ZC3H13: variants seen among roughly 807,000 people sequenced by gnomAD.
The protein encoded by ZC3H13 is zinc finger CCCH domain-containing protein 13.
ZC3H13 carries 64 observed loss-of-function variants against 204.1 expected under a neutral mutation model. The ratio of observed to expected loss-of-function variants is 0.31; its 90% confidence interval spans 0.26 to 0.39. The LOEUF is 0.39. Ranked by LOEUF, ZC3H13 falls within the 10% of genes least tolerant of loss-of-function variation. The pLI is 1.00. For synonymous variants in ZC3H13, 667 were observed against 693.7 expected (o/e 0.96, Z 0.60); for missense variants, 1,833 against 2,082.7 (o/e 0.88, Z 2.33).
At chr13:45,976,405 A>AGTTCATGTTATAT in intron 11 of ZC3H13, 1 of 255,170 alleles carries the variant, frequency 3.9e-6, no homozygotes, top group South Asian at 1.5e-4. Context: ...GCAATATAAC[A>AGTTCATGTTATAT]TGAACTGTAA....
Position 46,052,453 on chromosome 13 carries a change from C to A in ZC3H13, c.-59G>T, listed in dbSNP as rs2044544336. On this transcript the variant is annotated 5_prime_UTR_variant, in exon 1 of 19. Transcript: ENST00000679008. ...GTGCAGTCCGGAGGCACCACCGCCG[C>A]CGCCGCTCCGAGGAGCGGGGGAGGC... 2.5e-6 allele frequency: 1 copy of A among 398,246 alleles called. No individual in the cohort carries two copies. The highest frequency in any genetic ancestry group is 4.4e-6 in the Non-Finnish European group (1 of 226,060). The allele number at this position is 398,246 out of a possible 1,614,324, so 24.7% of individuals were successfully genotyped here.
At chr13:46,041,937 A>G (rs1308069741) in intron 4 of ZC3H13, among the ~76,000 whole-genome samples, 5 of 152,144 alleles carry the variant, frequency 3.3e-5, no homozygotes, top group Non-Finnish European at 7.4e-5. Flanking sequence ...TACTAAGTTC[A>G]GCTTGAGTTC....
chr13:46,012,613 C>A (rs189028873), intron 5 of ZC3H13, among the ~76,000 whole-genome samples: 5 of 151,850 alleles, frequency 3.3e-5, no homozygotes, highest in Non-Finnish European at 5.9e-5. Context: ...ATATTCACTA[C>A]CTGTGTGACT....
chr13:45,967,651 C>T lies in ZC3H13; in HGVS notation c.4174G>A (p.Ala1392Thr). Residue 1392 changes from alanine (A) to threonine (T), a missense_variant, in exon 15 of 19, where the codon GCA becomes ACA. By Grantham distance (58) the Ala-to-Thr change is moderately conservative. This residue lies in a region of ZC3H13 where 1,574 missense variants were observed against 1,757.2 expected (regional missense o/e 0.90). Transcript: ENST00000679008. Reference protein sequence around the residue: ...SQIESVKRCEAKLEGEHERDL... With the variant: ...SQIESVKRCETKLEGEHERDL... Reference sequence around the variant, plus strand: ...CTTTCATGTTCACCTTCCAGTTTTGCTTCACAGCGTTTCACAGACTCTATT... The same window carrying T: ...CTTTCATGTTCACCTTCCAGTTTTGTTTCACAGCGTTTCACAGACTCTATT... 4 of 1,614,130 alleles carry T rather than the reference C, an allele frequency of 2.5e-6. No individual in the cohort carries two copies. Among genetic ancestry groups the T allele is most frequent in the Non-Finnish European group, 3.4e-6 (4 of 1,180,002 alleles).
intron 5 of ZC3H13, among the ~76,000 whole-genome samples, 189 bp from the exon 6 acceptor site, chr13:46,011,743 T>A (rs1391403373): frequency 1.3e-5 from 2 of 152,202 alleles, no homozygotes; most frequent in Non-Finnish European, 2.9e-5. Context: ...CATGGTTGAT[T>A]TCTTCATGAA....
At chr13:46,010,787 G>A (rs2041502635) in intron 6 of ZC3H13, among the ~76,000 whole-genome samples, 1 of 151,654 alleles carries the variant, frequency 6.6e-6, no homozygotes, top group Non-Finnish European at 1.5e-5. Context: ...AGCTATTAGG[G>A]AGGCTGAGAT....
At chr13:46,033,020 T>C (rs112097793) in intron 4 of ZC3H13, among the ~76,000 whole-genome samples, 248 of 152,152 alleles carry the variant, frequency 1.6e-3, no homozygotes, top group African/African-American at 5.8e-3. Context: ...AACAGCCGGA[T>C]TACCCAAAAA....
At chr13:45,982,854 G>C (rs79798378) in intron 10 of ZC3H13, among the ~76,000 whole-genome samples, 2,156 of 152,246 alleles carry the variant, frequency 0.014, 45 homozygotes, top group African/African-American at 0.049. Flanking sequence ...GAGCATTTCA[G>C]ATTAGGGATG....
rs190430906 is a variant in ZC3H13 at position 45,956,146 on chromosome 13, T to G, written c.*981A>C. ...TTACATAGTACAGCTGGAGGCAGTT[T>G]AATATAATCAAAAGTTATAGCTCTA... On this transcript the variant is annotated 3_prime_UTR_variant, in exon 19 of 19. Transcript: ENST00000679008. The G allele has an allele frequency of 3.3e-5, 5 of 152,304 alleles. No individual in the cohort carries two copies. Among genetic ancestry groups the G allele is most frequent in the African/African-American group, 9.6e-5 (4 of 41,578 alleles). 9.4% of individuals were successfully genotyped at this position (152,304 alleles called of 1,614,324 possible). A position where few individuals can be genotyped will look rare whatever the true frequency, so the allele number is the denominator to read the frequency against.
rs61953329 is a variant in ZC3H13 at position 46,010,000 on chromosome 13, T to C, written c.746+348A>G. 495 of 157,924 alleles carry C rather than the reference T, an allele frequency of 3.1e-3. 4 individuals are homozygous for C. Among genetic ancestry groups the C allele is most frequent in the Middle Eastern group, 6.5e-3 (2 of 310 alleles). 9.8% of individuals were successfully genotyped at this position (157,924 alleles called of 1,614,324 possible). On this transcript the variant is annotated intron_variant, in intron 7 of 18. Transcript: ENST00000679008. ...AGGTTATGATATATCCCTATTACAA[T>C]AGATGAAAGCAATACTATACATTGC...
intron 10 of ZC3H13, among the ~76,000 whole-genome samples, chr13:45,983,413 A>ATATATATATATATATATATATATAT (rs1555277663): frequency 9.6e-5 from 3 of 31,138 alleles, no homozygotes; most frequent in African/African-American, 4.3e-4. Context: ...ATATATATAT[A>ATATATATATATATATATATATATAT]TTTTTTTTTT....
intron 1 of ZC3H13, among the ~76,000 whole-genome samples, chr13:46,047,717 T>C (rs577348830): frequency 5.9e-5 from 9 of 152,294 alleles, no homozygotes; most frequent in Non-Finnish European, 1.2e-4. Context: ...AGTAAATGTA[T>C]CACAATGTAT....
intron 4 of ZC3H13, among the ~76,000 whole-genome samples, chr13:46,038,122 T>C (rs908763067): frequency 6.6e-6 from 1 of 152,194 alleles, no homozygotes; most frequent in African/African-American, 2.4e-5. Context: ...AACTGTGAGT[T>C]TGGCACACAA....
At chr13:46,043,072 G>A (rs2043699316) in intron 3 of ZC3H13, among the ~76,000 whole-genome samples, 1 of 151,852 alleles carries the variant, frequency 6.6e-6, no homozygotes, top group Non-Finnish European at 1.5e-5. Context: ...AGGAGAGATG[G>A]AAAACAGACT....
At chr13:46,000,067 C>T (rs932436275) in intron 8 of ZC3H13, among the ~76,000 whole-genome samples, 11 of 152,166 alleles carry the variant, frequency 7.2e-5, no homozygotes, top group African/African-American at 2.4e-4. Flanking sequence ...GTCATCCATG[C>T]TTGTTTTTCC....
intron 4 of ZC3H13, among the ~76,000 whole-genome samples, chr13:46,041,483 T>A (rs963456135): frequency 6.6e-6 from 1 of 152,080 alleles, no homozygotes; most frequent in Admixed American, 6.5e-5. Context: ...ATTCTAAAAT[T>A]GACTGTGATG....
At chr13:45,988,004 T>C (rs1342418727) in intron 9 of ZC3H13, among the ~76,000 whole-genome samples, 2 of 152,062 alleles carry the variant, frequency 1.3e-5, no homozygotes, top group Admixed American at 6.5e-5. Flanking sequence ...GCTTACTTCT[T>C]TATTATGACC....
chr13:46,031,752 G>C (rs2138994223), intron 4 of ZC3H13, among the ~76,000 whole-genome samples: 1 of 152,286 alleles, frequency 6.6e-6, no homozygotes, highest in African/African-American at 2.4e-5. Context: ...TATCTGAATA[G>C]TCAAAATTCA....
At chr13:45,987,714 C>T (rs1000244151) in intron 9 of ZC3H13, among the ~76,000 whole-genome samples, 3 of 152,184 alleles carry the variant, frequency 2.0e-5, no homozygotes, top group Non-Finnish European at 4.4e-5. Context: ...GTACTCCACT[C>T]ACCAAGAGGC....
Sources: allele counts gnomAD v4.1 joint callset (sites outside exome capture counted in the v4.1 genomes callset), GRCh38; gene constraint gnomAD v4.1.1; regional missense constraint gnomAD v4.1.1; transcripts MANE v1.5; gene names NCBI Gene and HGNC (gene_info 2026-07-23, HGNC 2026-07-21).